The following FGD4 variants were observed in gnomAD, a reference collection of about 807,000 sequenced individuals.
FGD4 encodes the protein FYVE, RhoGEF and PH domain containing 4, also known as FYVE, RhoGEF and PH domain-containing protein 4.
FGD4 carries 42 observed loss-of-function variants against 102.0 expected under a neutral mutation model. That is an observed-to-expected ratio of 0.41 (90% confidence interval 0.32 to 0.53). The LOEUF is 0.53. FGD4 is among the 20% of genes least tolerant of loss of function. The pLI, the probability that FGD4 is intolerant of heterozygous loss-of-function variation, is 0.21. For synonymous variants in FGD4, 380 were observed against 375.7 expected (o/e 1.01, Z -0.13); for missense variants, 902 against 1,078.2 (o/e 0.84, Z 2.29).
chr12:32,601,168 T>G, intron 5 of FGD4, 110 bp from the exon 6 acceptor site: 1 of 1,126,394 alleles, frequency 8.9e-7, no homozygotes, highest in Non-Finnish European at 1.3e-6. Flanking sequence ...AACTGTAAAC[T>G]TTTCCATTTG....
At chr12:32,446,220 G>A (rs1433866632) in intron 1 of FGD4, among the ~76,000 whole-genome samples, 4 of 152,140 alleles carry the variant, frequency 2.6e-5, no homozygotes, top group Non-Finnish European at 5.9e-5. Flanking sequence ...GGGCTAGTTC[G>A]AATGGCCTAG....
intron 1 of FGD4, 30 bp from the exon 2 acceptor site, chr12:32,564,107 T>C: frequency 6.5e-7 from 1 of 1,530,738 alleles, no homozygotes; most frequent in Non-Finnish European, 8.7e-7. Context: ...CCTCCATACT[T>C]ACCTGCCCTT....
At chr12:32,633,528 C>A (rs776956141) in intron 14 of FGD4, 21 bp from the exon 15 acceptor site, 3 of 1,606,250 alleles carry the variant, frequency 1.9e-6, no homozygotes, top group South Asian at 1.1e-5. Flanking sequence ...GATTACTGTT[C>A]ATTTTTCTTT....
intron 1 of FGD4, among the ~76,000 whole-genome samples, chr12:32,550,088 G>C (rs1943530856): frequency 2.0e-5 from 3 of 152,148 alleles, no homozygotes; most frequent in African/African-American, 7.2e-5. Flanking sequence ...AATTGTTCAT[G>C]GTTCTTTTCC....
At chr12:32,423,591 C>CAAA (rs35872227) in intron 1 of FGD4, among the ~76,000 whole-genome samples, 10 of 72,860 alleles carry the variant, frequency 1.4e-4, no homozygotes, top group African/African-American at 1.7e-4. Flanking sequence ...GACTTCATCT[C>CAAA]AAAAAAAAAA....
At chr12:32,550,656 G>A (rs1439667714) in intron 1 of FGD4, among the ~76,000 whole-genome samples, 1 of 113,132 alleles carries the variant, frequency 8.8e-6, no homozygotes, top group Admixed American at 1.2e-4. Flanking sequence ...GGGCGACAGA[G>A]CAAGACACTG....
chr12:32,436,718 GA>G (rs930547099), intron 1 of FGD4, among the ~76,000 whole-genome samples: 1 of 152,122 alleles, frequency 6.6e-6, no homozygotes, highest in Admixed American at 6.5e-5. Context: ...CTAGGTCCCA[GA>G]AAAAAAGCTG....
At chr12:32,407,703 A>T (rs1041715585) in intron 1 of FGD4, among the ~76,000 whole-genome samples, 1 of 151,132 alleles carries the variant, frequency 6.6e-6, no homozygotes, top group African/African-American at 2.4e-5. Context: ...TTTTGTCTCA[A>T]CTCCACCCTC....
intron 2 of FGD4, among the ~76,000 whole-genome samples, chr12:32,570,454 A>AT (rs1009623641): frequency 5.3e-5 from 8 of 150,084 alleles, no homozygotes; most frequent in African/African-American, 9.8e-5. Flanking sequence ...TATGTATTTA[A>AT]TTTTTTTTTG....
At chr12:32,498,522 C>T (rs1937959945) in intron 1 of FGD4, among the ~76,000 whole-genome samples, 1 of 152,148 alleles carries the variant, frequency 6.6e-6, no homozygotes, top group African/African-American at 2.4e-5. Flanking sequence ...AATAAAAATA[C>T]TATTTTTTCT....
intron 4 of FGD4, among the ~76,000 whole-genome samples, chr12:32,588,289 C>A (rs1947207578): frequency 6.6e-6 from 1 of 152,114 alleles, no homozygotes; most frequent in South Asian, 2.1e-4. Flanking sequence ...TGCACATAGG[C>A]TATGGGCAAG....
At chr12:32,422,936 A>G (rs1941694775) in intron 1 of FGD4, among the ~76,000 whole-genome samples, 1 of 152,186 alleles carries the variant, frequency 6.6e-6, no homozygotes, top group South Asian at 2.1e-4. Context: ...AAGAGGAAGC[A>G]GAAGCCCATA....
Position 32,633,588 on chromosome 12 carries a change from G to C in FGD4, c.2212G>C (p.Glu738Gln). Residue 738 changes from glutamate to glutamine, a missense_variant, in exon 15 of 17, where the codon GAA becomes CAA. Physicochemically the swap from Glu to Gln is conservative, Grantham distance 29. Coordinates refer to ENST00000534526, the MANE Select transcript of FGD4 (RefSeq NM_001370298.3). ...ATGCTCCGACTACAAAGCTCAACTT[G>C]AATATGATGGTGGTAAATTGAGCAA... is the stretch of plus-strand genomic sequence containing the variant. ...WKCSDYKAQL[E>Q]YDGGKLSKVC... The C allele has an allele frequency of 1.2e-6, 2 of 1,613,852 alleles. No individual in the cohort carries two copies. The highest frequency in any genetic ancestry group is 1.3e-5 in the African/African-American group (1 of 75,024).
intron 1 of FGD4, among the ~76,000 whole-genome samples, chr12:32,434,704 A>C (rs573107888): frequency 1.6e-4 from 24 of 152,330 alleles, no homozygotes; most frequent in African/African-American, 5.3e-4. Context: ...AATGTGCTTT[A>C]AACTTTTGTA....
chr12:32,519,295 G>A (rs572469173), intron 1 of FGD4, among the ~76,000 whole-genome samples: 1 of 152,120 alleles, frequency 6.6e-6, no homozygotes, highest in Admixed American at 6.5e-5. Context: ...ATTTGAATGA[G>A]TTAGAAAGTA....
At chr12:32,623,585 A>C (rs1289208219) in intron 11 of FGD4, among the ~76,000 whole-genome samples, 1 of 152,078 alleles carries the variant, frequency 6.6e-6, no homozygotes, top group East Asian at 1.9e-4. Context: ...CTGGAACTCA[A>C]CTTAGCCCCT....
chr12:32,408,187 A>G (rs1300489379), intron 1 of FGD4, among the ~76,000 whole-genome samples: 8 of 99,610 alleles, frequency 8.0e-5, no homozygotes, highest in Non-Finnish European at 1.2e-4. Context: ...TTTTTTTTTG[A>G]GACAGAATTT....
chr12:32,585,800 C>T (rs1447549422), intron 4 of FGD4, among the ~76,000 whole-genome samples: 3 of 142,928 alleles, frequency 2.1e-5, no homozygotes, highest in Non-Finnish European at 4.5e-5. Flanking sequence ...TGCTACTTCA[C>T]TCTCACCTGG....
At chr12:32,411,255 G>A (rs1268139325) in intron 1 of FGD4, among the ~76,000 whole-genome samples, 1 of 151,886 alleles carries the variant, frequency 6.6e-6, no homozygotes, top group Admixed American at 6.6e-5. Context: ...AAAACATGTG[G>A]GTGGGACGCG....
Sources: allele counts gnomAD v4.1 joint callset (sites outside exome capture counted in the v4.1 genomes callset), GRCh38; gene constraint gnomAD v4.1.1; transcripts MANE v1.5; gene names NCBI Gene and HGNC (gene_info 2026-07-23, HGNC 2026-07-21).